The following SLC8A3 variants were observed in gnomAD, a reference collection of about 807,000 sequenced individuals.
SLC8A3 encodes the protein sodium/calcium exchanger 3.
Under a neutral mutation model 65.4 loss-of-function variants are expected in SLC8A3, and 37 were observed. The observed-to-expected ratio is 0.57, with a 90% confidence interval of 0.44 to 0.74. The LOEUF is 0.74. Among genes scored for constraint, SLC8A3 ranks in the 30% least tolerant of loss-of-function variants. The pLI is 0.00. For missense variants in SLC8A3, 1,112 were observed against 1,172.1 expected (o/e 0.95, Z 0.75); for synonymous variants, 461 against 444.5 (o/e 1.04, Z -0.47).
intron 2 of SLC8A3, among the ~76,000 whole-genome samples, chr14:70,075,239 G>A (rs1488373424): frequency 1.3e-5 from 2 of 152,130 alleles, no homozygotes; most frequent in East Asian, 3.9e-4. Flanking sequence ...CAGGAAGCCA[G>A]ACAACGTTCT....
intron 1 of SLC8A3, among the ~76,000 whole-genome samples, chr14:70,184,369 C>T (rs1883007966): frequency 6.6e-6 from 1 of 152,194 alleles, no homozygotes; most frequent in South Asian, 2.1e-4. Context: ...GAGTACAAGC[C>T]CTTTAAGGTT....
In SLC8A3 at chr14:70,167,138, TG is replaced by T. The variant is rs1897218627; in HGVS notation, c.1284del (p.Met429CysfsTer27). On this transcript the variant is annotated frameshift_variant, in exon 2 of 7. Coordinates refer to ENST00000356921, the MANE Select transcript of SLC8A3 (RefSeq NM_182932.3). LOFTEE classifies it high-confidence loss of function. ...TCCTCTGTTTTGTAGTCCACATACA[TG>T]GTCTTTGACATGTCTCCCCCTTTCC... ...VVRKGGDMSKTMYVDYKTEDG... is the reference protein window; with the variant it reads ...VVRKGGDMSKXMYVDYKTEDG... 1 of 1,614,188 alleles carries T rather than the reference TG, an allele frequency of 6.2e-7. No individual in the cohort carries two copies. Among genetic ancestry groups the T allele is most frequent in the Non-Finnish European group, 8.5e-7 (1 of 1,180,018 alleles).
upstream of SLC8A3, among the ~76,000 whole-genome samples, chr14:70,189,400 G>T (rs894032034): frequency 3.9e-5 from 6 of 152,226 alleles, no homozygotes; most frequent in Non-Finnish European, 7.3e-5. Flanking sequence ...CTGCAATTCC[G>T]AAATTAAGTC....
intron 1 of SLC8A3, among the ~76,000 whole-genome samples, chr14:70,173,012 G>A (rs1897647402): frequency 6.6e-6 from 1 of 152,210 alleles, no homozygotes; most frequent in Non-Finnish European, 1.5e-5. Context: ...TACAAGACAT[G>A]CAGTGTGAGG....
Position 70,048,907 on chromosome 14 carries a change from G to A in SLC8A3, c.2249C>T (p.Ala750Val), listed in dbSNP as rs1382909462. ...VPPTEYCHGW[A>V]CFAVSILIIG... ...GATGAGGATGGAGACGGCGAAGCAG[G>A]CCCAGCCGTGGCAGTACTCTGTGGG... Residue 750 changes from alanine to valine, a missense_variant, in exon 6 of 7, where the codon GCC becomes GTC. Coordinates refer to ENST00000356921, the MANE Select transcript of SLC8A3 (RefSeq NM_182932.3). The A allele has an allele frequency of 3.7e-6, 6 of 1,614,188 alleles. No individual in the cohort carries two copies. Among genetic ancestry groups the A allele is most frequent in the Non-Finnish European group, 5.1e-6 (6 of 1,180,028 alleles).
intron 2 of SLC8A3, among the ~76,000 whole-genome samples, chr14:70,083,281 C>G (rs1457578181): frequency 1.3e-5 from 2 of 152,132 alleles, no homozygotes; most frequent in Non-Finnish European, 2.9e-5. Context: ...CAAAATGCTT[C>G]CCCATGCATG....
At chr14:70,164,069 T>C (rs1022855980) in intron 2 of SLC8A3, among the ~76,000 whole-genome samples, 8 of 152,308 alleles carry the variant, frequency 5.3e-5, no homozygotes, top group African/African-American at 1.4e-4. Context: ...AATATTACTA[T>C]GAAGAGTCTT....
chr14:70,183,390 G>A (rs1370525876), intron 1 of SLC8A3, among the ~76,000 whole-genome samples: 1 of 152,172 alleles, frequency 6.6e-6, no homozygotes, highest in Non-Finnish European at 1.5e-5. Context: ...CTGTCTAGAT[G>A]TCTTGCTCTA....
chr14:70,186,484 G>C (rs1181310891), intron 1 of SLC8A3, among the ~76,000 whole-genome samples: 1 of 152,200 alleles, frequency 6.6e-6, no homozygotes, highest in Non-Finnish European at 1.5e-5. Flanking sequence ...GAGTATGTTG[G>C]AAGAAGAATA....
chr14:70,142,029 C>A (rs1470625542), intron 2 of SLC8A3, among the ~76,000 whole-genome samples: 1 of 152,232 alleles, frequency 6.6e-6, no homozygotes, highest in African/African-American at 2.4e-5. Context: ...CAGAGCCCAG[C>A]TGGCCAATGG....
intron 2 of SLC8A3, among the ~76,000 whole-genome samples, chr14:70,157,279 T>C (rs77726901): frequency 0.036 from 5,415 of 152,234 alleles, 321 homozygotes; most frequent in African/African-American, 0.12. Flanking sequence ...AGTGACTCTG[T>C]CTACCACTTA....
intron 2 of SLC8A3, among the ~76,000 whole-genome samples, chr14:70,160,007 G>A (rs1016560988): frequency 2.0e-5 from 3 of 151,882 alleles, no homozygotes; most frequent in Non-Finnish European, 4.4e-5. Context: ...TGGGTGCCAC[G>A]GGTAGAAAAT....
chr14:70,098,727 A>C (rs1892362020), intron 2 of SLC8A3, among the ~76,000 whole-genome samples: 1 of 152,244 alleles, frequency 6.6e-6, no homozygotes, highest in South Asian at 2.1e-4. Flanking sequence ...GGCTAAAGAC[A>C]AATATTTACC....
At chr14:70,170,260 C>T (rs1897438395) in intron 1 of SLC8A3, among the ~76,000 whole-genome samples, 1 of 152,190 alleles carries the variant, frequency 6.6e-6, no homozygotes, top group African/African-American at 2.4e-5. Flanking sequence ...CATCCCGTCA[C>T]TCTCTCCCTT....
intron 2 of SLC8A3, among the ~76,000 whole-genome samples, chr14:70,131,843 CAATTG>C (rs2140234729): frequency 1.3e-5 from 2 of 152,126 alleles, no homozygotes; most frequent in East Asian, 3.9e-4. Context: ...GGTGAGAGAA[CAATTG>C]AAGAGGCAAG....
intron 5 of SLC8A3, 119 bp from the exon 6 acceptor site, chr14:70,049,161 T>G: frequency 9.8e-7 from 1 of 1,021,514 alleles, no homozygotes; most frequent in African/African-American, 1.6e-5. Context: ...CCAGCTGTCT[T>G]CTGGGCAGCT....
At chr14:70,082,436 C>A (rs190293037) in intron 2 of SLC8A3, among the ~76,000 whole-genome samples, 31 of 152,260 alleles carry the variant, frequency 2.0e-4, no homozygotes, top group Admixed American at 9.2e-4. Context: ...ACAAAATCTT[C>A]TTAAAACAAA....
chr14:70,051,890 T>A (rs1036830625), intron 4 of SLC8A3, 100 bp downstream of exon 4: 6 of 972,396 alleles, frequency 6.2e-6, no homozygotes, highest in Admixed American at 2.2e-5. Flanking sequence ...CAGTTTCAAC[T>A]TCACATATTC....
intron 2 of SLC8A3, among the ~76,000 whole-genome samples, chr14:70,065,316 A>G (rs1402206982): frequency 6.6e-6 from 1 of 152,104 alleles, no homozygotes; most frequent in African/African-American, 2.4e-5. Context: ...TTGCTCCTGA[A>G]GTGAATGCAA....
Sources: gnomAD v4.1 joint callset for allele counts (sites outside exome capture counted in the v4.1 genomes callset) on GRCh38, gnomAD v4.1.1 for gene constraint, MANE v1.5 for transcripts, NCBI Gene and HGNC (gene_info 2026-07-23, HGNC 2026-07-21) for gene names.